CREB5: variants seen among roughly 807,000 people sequenced by gnomAD.
CREB5 encodes the protein cyclic AMP-responsive element-binding protein 5.
Under a neutral mutation model 57.1 loss-of-function variants are expected in CREB5, and 19 were observed. The ratio of observed to expected loss-of-function variants is 0.33; its 90% CI spans 0.23 to 0.49. The LOEUF is 0.49. Ranked by LOEUF, CREB5 falls within the 20% of genes least tolerant of loss-of-function variation. CREB5 has a pLI of 0.99. For synonymous variants in CREB5, 238 were observed against 238.3 expected (o/e 1.00, Z 0.01); for missense variants, 579 against 671.6 (o/e 0.86, Z 1.52).
chr7:28,370,193 C>T (rs116450669), intron 1 of CREB5, among the ~76,000 whole-genome samples: 133 of 152,296 alleles, frequency 8.7e-4, no homozygotes, highest in African/African-American at 3.0e-3. Context: ...AGAATTTAAA[C>T]GCTCAGGCCT....
chr7:28,651,051 A>G (rs1334356657), intron 5 of CREB5, among the ~76,000 whole-genome samples: 2 of 152,332 alleles, frequency 1.3e-5, no homozygotes, highest in East Asian at 3.9e-4. Context: ...GGGAATATAA[A>G]GACAGTTCAT....
intron 5 of CREB5, among the ~76,000 whole-genome samples, chr7:28,634,207 A>G (rs1294542104): frequency 6.6e-6 from 1 of 152,176 alleles, no homozygotes. Context: ...CCTGTCTGTA[A>G]ACAGCAACTG....
intron 4 of CREB5, among the ~76,000 whole-genome samples, chr7:28,530,808 C>T (rs1267374077): frequency 3.3e-5 from 5 of 152,188 alleles, no homozygotes; most frequent in African/African-American, 1.2e-4. Context: ...TCATCTCCAC[C>T]CGCAGTCCTG....
chr7:28,322,816 G>T (rs532313141), intron 1 of CREB5, among the ~76,000 whole-genome samples: 2 of 152,140 alleles, frequency 1.3e-5, no homozygotes, highest in African/African-American at 4.8e-5. Context: ...ATTCCATGGT[G>T]TATATGTGCC....
chr7:28,439,599 A>G (rs1255213120), intron 1 of CREB5, among the ~76,000 whole-genome samples: 1 of 152,146 alleles, frequency 6.6e-6, no homozygotes, highest in Non-Finnish European at 1.5e-5. Context: ...TAGACTTCCC[A>G]AGGTCACAGA....
intron 5 of CREB5, among the ~76,000 whole-genome samples, chr7:28,677,794 C>T (rs1047990886): frequency 6.6e-6 from 1 of 152,114 alleles, no homozygotes; most frequent in Admixed American, 6.5e-5. Context: ...GGGAATATAA[C>T]TTGAGCTCAG....
At chr7:28,560,810 G>A (rs1364937570) in intron 4 of CREB5, among the ~76,000 whole-genome samples, 1 of 34,164 alleles carries the variant, frequency 2.9e-5, no homozygotes. Context: ...GTGTGTGCGC[G>A]TGTGTGTGTG....
At chr7:28,717,507 A>G (rs528283520) in intron 5 of CREB5, among the ~76,000 whole-genome samples, 1 of 152,220 alleles carries the variant, frequency 6.6e-6, no homozygotes, top group Admixed American at 6.5e-5. Flanking sequence ...TCAATCTTCC[A>G]CTTTTCATGG....
At chr7:28,791,072 G>A (rs564618115) in intron 7 of CREB5, among the ~76,000 whole-genome samples, 25 of 152,108 alleles carry the variant, frequency 1.6e-4, no homozygotes, top group Non-Finnish European at 3.4e-4. Context: ...ACCAAATCTT[G>A]CTGGCATATG....
At chr7:28,657,141 C>A (rs1799363750) in intron 5 of CREB5, among the ~76,000 whole-genome samples, 1 of 152,200 alleles carries the variant, frequency 6.6e-6, no homozygotes, top group Non-Finnish European at 1.5e-5. Context: ...ATTACCCTCA[C>A]CTGCCATACT....
At chr7:28,362,902 C>G (rs1786516814) in intron 1 of CREB5, among the ~76,000 whole-genome samples, 1 of 152,154 alleles carries the variant, frequency 6.6e-6, no homozygotes, top group African/African-American at 2.4e-5. Flanking sequence ...ATTATTCTAG[C>G]TGGTTGTTTT....
intron 5 of CREB5, among the ~76,000 whole-genome samples, chr7:28,707,777 T>G (rs1802193486): frequency 6.6e-6 from 1 of 152,262 alleles, no homozygotes; most frequent in Non-Finnish European, 1.5e-5. Context: ...ATGCTGCTGA[T>G]GTACTGTTAC....
chr7:28,787,259 C>T (rs1359100290), intron 7 of CREB5, among the ~76,000 whole-genome samples: 1 of 152,216 alleles, frequency 6.6e-6, no homozygotes, highest in Non-Finnish European at 1.5e-5. Context: ...CACATTGACT[C>T]AATGCCACAG....
chr7:28,742,380 C>T lies in CREB5; in HGVS notation c.702+18048C>T, dbSNP rs560476250. 2.0e-5 allele frequency among the ~76,000 whole-genome samples: 3 copies of T among 152,148 alleles called. No individual in the cohort carries two copies. In the East Asian group the frequency reaches 5.8e-4, roughly 30 times the overall value. On this transcript the variant is annotated intron_variant, in intron 7 of 10. Transcript: ENST00000357727. ...AGGAGATCGAGACCATCCTGGCTAA[C>T]ATGGTGAAACCCCATCTCTACTAAA...
At chr7:28,667,577 G>A (rs1053126097) in intron 5 of CREB5, among the ~76,000 whole-genome samples, 15 of 147,372 alleles carry the variant, frequency 1.0e-4, no homozygotes, top group African/African-American at 3.5e-4. Context: ...AGTAGATGAT[G>A]TTTTAAAAAA....
At chr7:28,355,504 G>A (rs1042540793) in intron 1 of CREB5, among the ~76,000 whole-genome samples, 8 of 152,208 alleles carry the variant, frequency 5.3e-5, no homozygotes, top group Admixed American at 3.9e-4. Flanking sequence ...AGCAATTTAT[G>A]TTAATAGAAG....
chr7:28,804,373 C>T lies in CREB5; in HGVS notation c.877C>T (p.Gln293Ter), dbSNP rs748410806. Residue 293 changes from glutamine to a stop codon, truncating the protein, a stop_gained, in exon 8 of 11, where the codon CAG becomes TAG. Coordinates refer to ENST00000357727, the MANE Select transcript of CREB5 (RefSeq NM_182898.4). LOFTEE classifies it high-confidence loss of function. The stretch of plus-strand genomic sequence containing the variant: ...GCCACCCCATCACCCTTACCCACAC[C>T]AGCACCAGCACCCAGCACACCATCC... ...TLPPHHPYPH[Q>*]HQHPAHHPHP... is the part of the protein sequence containing the mutation. 1 of 1,613,632 alleles carries T rather than the reference C, an allele frequency of 6.2e-7. No homozygotes were observed. The highest frequency in any genetic ancestry group is 8.5e-7 in the Non-Finnish European group (1 of 1,179,792).
At chr7:28,342,670 C>A (rs1426541556) in intron 1 of CREB5, among the ~76,000 whole-genome samples, 2 of 152,180 alleles carry the variant, frequency 1.3e-5, no homozygotes, top group Admixed American at 1.3e-4. Context: ...TATTTACAAC[C>A]CCTCTGTCTG....
At chr7:28,603,395 C>A (rs569711849) in intron 5 of CREB5, among the ~76,000 whole-genome samples, 1 of 152,282 alleles carries the variant, frequency 6.6e-6, no homozygotes, top group South Asian at 2.1e-4. Flanking sequence ...TGATCACGGC[C>A]TATTTGTTGA....
Sources: allele counts gnomAD v4.1 joint callset (sites outside exome capture counted in the v4.1 genomes callset), GRCh38; gene constraint gnomAD v4.1.1; transcripts MANE v1.5; gene names NCBI Gene and HGNC (gene_info 2026-07-23, HGNC 2026-07-21).